The following EYA4 variants were observed in gnomAD, a reference collection of about 807,000 sequenced individuals.
The protein encoded by EYA4 is EYA transcriptional coactivator and phosphatase 4, also known as protein phosphatase EYA4.
EYA4 carries 31 observed loss-of-function variants against 87.9 expected under a neutral mutation model. The ratio of observed to expected loss-of-function variants is 0.35; its 90% confidence interval spans 0.27 to 0.48. The LOEUF (loss-of-function observed/expected upper bound fraction) is 0.48, where lower values mean the gene tolerates loss of function less well. Among genes scored for constraint, EYA4 ranks in the 20% least tolerant of loss-of-function variants. EYA4 has a pLI of 0.99. For synonymous variants in EYA4, 263 were observed against 270.6 expected (o/e 0.97, Z 0.28); for missense variants, 678 against 761.4 (o/e 0.89, Z 1.29).
At chr6:133,327,059 A>AT (rs530808215) in intron 2 of EYA4, among the ~76,000 whole-genome samples, 55 of 152,084 alleles carry the variant, frequency 3.6e-4, no homozygotes, top group African/African-American at 1.3e-3. Context: ...ATATAATTTG[A>AT]TTTTTTTGTT....
intron 1 of EYA4, among the ~76,000 whole-genome samples, chr6:133,254,481 G>A (rs1029906276): frequency 3.3e-5 from 5 of 152,038 alleles, no homozygotes; most frequent in Non-Finnish European, 4.4e-5. Flanking sequence ...TTAGTTTTTA[G>A]TGGTTTGTTT....
chr6:133,413,515 T>C (rs1461818188), intron 3 of EYA4, among the ~76,000 whole-genome samples: 6 of 152,176 alleles, frequency 3.9e-5, no homozygotes, highest in African/African-American at 1.4e-4. Context: ...AATATTCTTT[T>C]TTTAGCTTTC....
rs1442729136 is a variant in EYA4 at position 133,277,413 on chromosome 6, A to ATAAATCAGACTTCCCTGTCACT, written c.33+2606_33+2627dup. ...TAATAGGTAGTTAAGGGCATGAGCT[A>ATAAATCAGACTTCCCTGTCACT]TAAATCAGACTTCCCTGTCACTTAA... On this transcript the variant is annotated intron_variant, in intron 2 of 19. Coordinates refer to ENST00000355286, the MANE Select transcript of EYA4 (RefSeq NM_004100.5). Among the ~76,000 whole-genome samples, 3 of 152,356 alleles carry ATAAATCAGACTTCCCTGTCACT rather than the reference A, an allele frequency of 2.0e-5. No individual in the cohort carries two copies. The East Asian group carries it at 5.8e-4, about 29-fold the overall frequency.
At chr6:133,505,636 C>A (rs956915762) in intron 13 of EYA4, among the ~76,000 whole-genome samples, 2 of 152,176 alleles carry the variant, frequency 1.3e-5, no homozygotes, top group African/African-American at 4.8e-5. Flanking sequence ...ATAACATTCT[C>A]TACTCAAGTC....
chr6:133,485,264 A>G (rs1172851596), intron 13 of EYA4, among the ~76,000 whole-genome samples: 1 of 152,134 alleles, frequency 6.6e-6, no homozygotes, highest in Non-Finnish European at 1.5e-5. Flanking sequence ...TTCAAAATAG[A>G]GACTCTCTAT....
intron 17 of EYA4, 24 bp from the exon 18 acceptor site, chr6:133,523,032 A>C: frequency 6.3e-7 from 1 of 1,593,034 alleles, no homozygotes; most frequent in South Asian, 1.1e-5. Context: ...GAAAACAAAC[A>C]TGTATATTTC....
chr6:133,382,400 A>G lies in EYA4; in HGVS notation c.42A>G (p.Lys14=). Residue 14 remains lysine (K), a synonymous_variant, in exon 3 of 20, where the codon AAA becomes AAG. Coordinates refer to ENST00000355286, the MANE Select transcript of EYA4 (RefSeq NM_004100.5). ...GTACTCTTTTCTTACAGGTAAAGAA[A>G]ACGTGCACAGAATCAGATGTTTCAC... is the stretch of plus-strand genomic sequence containing the variant. The part of the protein sequence containing the change: ...SQDLNEQSVK[K]TCTESDVSQS... 6.2e-7 allele frequency: 1 copy of G among 1,609,628 alleles called. No homozygotes were observed. Among genetic ancestry groups the G allele is most frequent in the Non-Finnish European group, 8.5e-7 (1 of 1,175,996 alleles).
At chr6:133,523,795 G>C (rs1583563320) in intron 18 of EYA4, among the ~76,000 whole-genome samples, 1 of 152,098 alleles carries the variant, frequency 6.6e-6, no homozygotes, top group African/African-American at 2.4e-5. Flanking sequence ...ACATTCAAAA[G>C]CAAAACTTCA....
intron 2 of EYA4, among the ~76,000 whole-genome samples, chr6:133,310,209 CT>C (rs36005102): frequency 6.6e-6 from 1 of 152,108 alleles, no homozygotes; most frequent in Non-Finnish European, 1.5e-5. Context: ...GAAAGGAAGC[CT>C]TTTTCTTAGC....
intron 2 of EYA4, 36 bp downstream of exon 2, chr6:133,274,849 G>A (rs765607552): frequency 6.5e-7 from 1 of 1,532,296 alleles, no homozygotes; most frequent in South Asian, 1.1e-5. Context: ...GAAAAAAGTT[G>A]CGATAACACT....
chr6:133,265,580 G>A (rs1420879041), intron 1 of EYA4, among the ~76,000 whole-genome samples: 3 of 152,078 alleles, frequency 2.0e-5, no homozygotes, highest in Non-Finnish European at 4.4e-5. Flanking sequence ...ATAATACTGT[G>A]TCTGCAATTA....
Position 133,530,877 on chromosome 6 carries a change from G to T in EYA4, c.*2072G>T. ...GATAGTAAATCTTATACTTCTGTTG[G>T]CCCTTAGCTTGAAAATAGCAGTTAA... On this transcript the variant is annotated 3_prime_UTR_variant, in exon 20 of 20. Coordinates refer to ENST00000355286, the MANE Select transcript of EYA4 (RefSeq NM_004100.5). 1.9e-6 allele frequency: 2 copies of T among 1,047,140 alleles called. No individual in the cohort carries two copies. Among genetic ancestry groups the T allele is most frequent in the Non-Finnish European group, 1.2e-6 (1 of 868,204 alleles). The allele number at this position is 1,047,140 out of a possible 1,614,324, so 64.9% of individuals were successfully genotyped here.
intron 3 of EYA4, among the ~76,000 whole-genome samples, chr6:133,410,742 C>T (rs1034352573): frequency 6.6e-6 from 1 of 151,868 alleles, no homozygotes; most frequent in Admixed American, 6.6e-5. Context: ...CTCCTGGGGG[C>T]TTCCTGCAGT....
intron 3 of EYA4, among the ~76,000 whole-genome samples, chr6:133,422,152 T>C (rs1455336585): frequency 6.6e-6 from 1 of 152,182 alleles, no homozygotes; most frequent in Non-Finnish European, 1.5e-5. Flanking sequence ...CATTTTATAT[T>C]CACTATAGAT....
chr6:133,441,307 C>T (rs1792264070), intron 3 of EYA4, among the ~76,000 whole-genome samples: 1 of 152,154 alleles, frequency 6.6e-6, no homozygotes, highest in Admixed American at 6.5e-5. Flanking sequence ...TATTTTCATT[C>T]TAGAAATTTT....
intron 3 of EYA4, among the ~76,000 whole-genome samples, chr6:133,394,284 GTT>G (rs869103311): frequency 1.1e-4 from 2 of 17,874 alleles, no homozygotes; most frequent in Admixed American, 7.1e-4. Context: ...ATAAGCTTGT[GTT>G]TTTTTTTTTT....
At chr6:133,419,902 C>A (rs765427280) in intron 3 of EYA4, among the ~76,000 whole-genome samples, 1 of 152,130 alleles carries the variant, frequency 6.6e-6, no homozygotes, top group South Asian at 2.1e-4. Flanking sequence ...ATGAATAAGA[C>A]GCCCCACATT....
At chr6:133,450,330 G>A (rs955903741) in intron 5 of EYA4, among the ~76,000 whole-genome samples, 2 of 152,214 alleles carry the variant, frequency 1.3e-5, no homozygotes, top group East Asian at 3.9e-4. Context: ...CACAGACTAA[G>A]CATTTGTTGC....
intron 2 of EYA4, among the ~76,000 whole-genome samples, chr6:133,285,090 G>A (rs1228402800): frequency 2.0e-5 from 3 of 149,480 alleles, no homozygotes; most frequent in Non-Finnish European, 4.4e-5. Context: ...TCCACCTCCC[G>A]GGTTCACGCC....
Sources: gnomAD v4.1 joint callset for allele counts (sites outside exome capture counted in the v4.1 genomes callset) on GRCh38, gnomAD v4.1.1 for gene constraint, MANE v1.5 for transcripts, NCBI Gene and HGNC (gene_info 2026-07-23, HGNC 2026-07-21) for gene names.